Variants in NRXN3 observed in about 807,000 individuals in gnomAD.
NRXN3 encodes the protein neurexin III.
NRXN3 carries 32 observed loss-of-function variants against 137.6 expected under a neutral mutation model. The ratio of observed to expected loss-of-function variants is 0.23; its 90% confidence interval spans 0.18 to 0.31. NRXN3 has a LOEUF of 0.31. Ranked by LOEUF, NRXN3 falls within the 10% of genes least tolerant of loss-of-function variation. NRXN3 has a pLI of 1.00. For synonymous variants in NRXN3, 798 were observed against 784.5 expected (o/e 1.02, Z -0.29); for missense variants, 1,574 against 2,062.5 (o/e 0.76, Z 4.59).
chr14:79,696,635 TG>T (rs1224123285), intron 18 of NRXN3, among the ~76,000 whole-genome samples: 1 of 151,908 alleles, frequency 6.6e-6, no homozygotes, highest in Non-Finnish European at 1.5e-5. Flanking sequence ...TAGAAAGAGT[TG>T]GGAGGAATTT....
chr14:79,352,190 G>C (rs2093242136), intron 15 of NRXN3, among the ~76,000 whole-genome samples: 1 of 151,906 alleles, frequency 6.6e-6, no homozygotes, highest in Non-Finnish European at 1.5e-5. Flanking sequence ...CCTTTCTTCT[G>C]TTTCACATCA....
chr14:78,576,137 G>T (rs949007481), intron 4 of NRXN3, among the ~76,000 whole-genome samples: 2 of 152,178 alleles, frequency 1.3e-5, no homozygotes, highest in African/African-American at 4.8e-5. Context: ...TAATACAGCT[G>T]TCCTTTTTCT....
chr14:79,018,260 C>CA (rs1163466834), intron 15 of NRXN3, among the ~76,000 whole-genome samples: 2 of 23,158 alleles, frequency 8.6e-5, no homozygotes, highest in African/African-American at 3.3e-4. Context: ...AACTCTGTCT[C>CA]AAAAAAAAAA....
chr14:78,940,371 A>G (rs1163214735), intron 10 of NRXN3, among the ~76,000 whole-genome samples: 1 of 152,156 alleles, frequency 6.6e-6, no homozygotes, highest in Non-Finnish European at 1.5e-5. Flanking sequence ...CACACTCCCA[A>G]TAGCTTCTCT....
chr14:78,692,250 C>G (rs2098178549), intron 6 of NRXN3, among the ~76,000 whole-genome samples: 1 of 152,256 alleles, frequency 6.6e-6, no homozygotes, highest in African/African-American at 2.4e-5. Context: ...GACTTCTTCT[C>G]AAGATATCTA....
intron 20 of NRXN3, among the ~76,000 whole-genome samples, chr14:79,827,776 C>T (rs2099309783): frequency 6.6e-6 from 1 of 150,664 alleles, no homozygotes; most frequent in Non-Finnish European, 1.5e-5. Flanking sequence ...CTCACTGCAA[C>T]TTCCACCTCC....
intron 4 of NRXN3, among the ~76,000 whole-genome samples, chr14:78,638,726 A>G (rs2097587245): frequency 6.6e-6 from 1 of 152,164 alleles, no homozygotes; most frequent in South Asian, 2.1e-4. Flanking sequence ...AGCAGGTTGG[A>G]TAGTAAGGAA....
At position 78,292,688 on chromosome 14, in the gene NRXN3, T is replaced by C. The variant is rs150285876; in HGVS notation, c.728-5143T>C. On this transcript the variant is annotated intron_variant, in intron 3 of 20. Coordinates refer to ENST00000335750, the MANE Select transcript of NRXN3 (RefSeq NM_001330195.2). ...TTCCTTAGCTGAACTTTAATGGTGCTGCATTTTGAGTCATAGCTGAAGATC... is the reference window on the plus strand; with the variant it reads ...TTCCTTAGCTGAACTTTAATGGTGCCGCATTTTGAGTCATAGCTGAAGATC... Among the ~76,000 whole-genome samples the C allele has an allele frequency of 5.6e-3, 860 of 152,368 alleles. 3 individuals carry two copies. Among genetic ancestry groups the C allele is most frequent in the Admixed American group, 0.01 (159 of 15,302 alleles).
intron 16 of NRXN3, among the ~76,000 whole-genome samples, chr14:79,569,221 A>G (rs1056264011): frequency 3.3e-5 from 5 of 151,944 alleles, no homozygotes; most frequent in Non-Finnish European, 7.4e-5. Flanking sequence ...CTACCAAACA[A>G]TCCCTGTTGC....
At chr14:78,520,370 C>T (rs1199418936) in intron 4 of NRXN3, among the ~76,000 whole-genome samples, 1 of 152,100 alleles carries the variant, frequency 6.6e-6, no homozygotes, top group Non-Finnish European at 1.5e-5. Flanking sequence ...AATCTGGATG[C>T]AATTTATTAG....
chr14:79,560,611 A>C (rs916987731), intron 16 of NRXN3, among the ~76,000 whole-genome samples: 2 of 143,264 alleles, frequency 1.4e-5, no homozygotes, highest in Admixed American at 1.5e-4. Context: ...CTTGGGTTGA[A>C]GCCATTCCCC....
chr14:79,447,151 A>C (rs149521923), intron 15 of NRXN3, among the ~76,000 whole-genome samples: 2 of 152,334 alleles, frequency 1.3e-5, no homozygotes, highest in Non-Finnish European at 2.9e-5. Context: ...TGGTCCACCA[A>C]AATATTGAGG....
chr14:79,141,995 A>G (rs371887936), intron 15 of NRXN3, among the ~76,000 whole-genome samples: 4 of 152,206 alleles, frequency 2.6e-5, no homozygotes, highest in Admixed American at 6.5e-5. Context: ...CCATAAGACC[A>G]TATGATGAAG....
chr14:78,189,600 T>C (rs1215652980), intron 1 of NRXN3, among the ~76,000 whole-genome samples: 1 of 152,146 alleles, frequency 6.6e-6, no homozygotes, highest in Admixed American at 6.5e-5. Context: ...TTTTTTTCCT[T>C]TTTTGAGATG....
At chr14:78,638,296 G>A (rs911143942) in intron 4 of NRXN3, among the ~76,000 whole-genome samples, 2 of 152,026 alleles carry the variant, frequency 1.3e-5, no homozygotes, top group African/African-American at 4.8e-5. Context: ...GGATTGCTCA[G>A]GGCGACACAA....
At chr14:78,752,606 T>C (rs920652623) in intron 8 of NRXN3, among the ~76,000 whole-genome samples, 2 of 152,178 alleles carry the variant, frequency 1.3e-5, no homozygotes, top group Non-Finnish European at 2.9e-5. Context: ...TGGGCTTATA[T>C]GTCTTGGAAG....
At chr14:79,626,143 A>G (rs137987550) in intron 16 of NRXN3, among the ~76,000 whole-genome samples, 1 of 152,294 alleles carries the variant, frequency 6.6e-6, no homozygotes, top group Non-Finnish European at 1.5e-5. Context: ...AGTTACATAA[A>G]TAGTGATTGA....
chr14:79,661,073 A>C (rs767810877), intron 16 of NRXN3, among the ~76,000 whole-genome samples: 62 of 152,252 alleles, frequency 4.1e-4, no homozygotes, highest in Non-Finnish European at 7.8e-4. Flanking sequence ...ATGGACAATA[A>C]TATTAGCTAT....
intron 4 of NRXN3, among the ~76,000 whole-genome samples, chr14:78,590,471 C>T (rs972416929): frequency 2.0e-5 from 3 of 151,826 alleles, no homozygotes; most frequent in Admixed American, 2.0e-4. Flanking sequence ...TTTTCATAAG[C>T]AGTGGAGGCT....
Sources: allele counts gnomAD v4.1 joint callset (sites outside exome capture counted in the v4.1 genomes callset), GRCh38; gene constraint gnomAD v4.1.1; transcripts MANE v1.5; gene names NCBI Gene and HGNC (gene_info 2026-07-23, HGNC 2026-07-21).